Variants in SORCS2 observed in about 807,000 individuals in gnomAD.
SORCS2 encodes the protein sortilin related VPS10 domain containing receptor 2.
SORCS2 carries 100 observed loss-of-function variants against 141.6 expected under a neutral mutation model. That is an observed-to-expected ratio of 0.71 (90% CI 0.60 to 0.83). The LOEUF is 0.83. SORCS2 is among the 40% of genes least tolerant of loss of function. The probability of loss-of-function intolerance (pLI) is 0.00; values close to 1 mark genes in which losing one functional copy is unlikely to be tolerated. For synonymous variants in SORCS2, 789 were observed against 676.9 expected, an observed-to-expected ratio of 1.17 and a Z score of -2.57; for missense variants, 1,646 against 1,560.2, an observed-to-expected ratio of 1.05 and a Z score of -0.93.
Position 7,536,833 on chromosome 4 carries a change from G to GTGT in SORCS2, c.648+5204_648+5205insTGT, listed in dbSNP as rs199566651. On this transcript the variant is annotated intron_variant, in intron 3 of 26. Coordinates refer to ENST00000507866, the MANE Select transcript of SORCS2 (RefSeq NM_020777.3). The stretch of plus-strand genomic sequence containing the variant: ...AGCGGATGTCCCCATACTCAGATGT[G>GTGT]GGGGGGGGGGGCGGGCAGGGCCCAC... 5.9e-3 allele frequency among the ~76,000 whole-genome samples: 127 copies of GTGT among 21,580 alleles called. 2 individuals are homozygous for GTGT. Among genetic ancestry groups the GTGT allele is most frequent in the African/African-American group, 7.1e-3 (119 of 16,754 alleles). 14.2% of individuals were successfully genotyped at this position (21,580 alleles called of 152,430 possible).
chr4:7,224,794 C>A (rs1728904040), intron 1 of SORCS2, among the ~76,000 whole-genome samples: 1 of 152,198 alleles, frequency 6.6e-6, no homozygotes. Flanking sequence ...TCCCTCCGAT[C>A]CTTCCCCTTC....
intron 8 of SORCS2, among the ~76,000 whole-genome samples, chr4:7,672,322 T>C (rs1722848255): frequency 6.6e-6 from 1 of 152,190 alleles, no homozygotes; most frequent in African/African-American, 2.4e-5. Flanking sequence ...ATAATCAATA[T>C]GATCATCAAC....
intron 1 of SORCS2, among the ~76,000 whole-genome samples, chr4:7,294,651 C>G (rs567315145): frequency 6.9e-6 from 1 of 144,068 alleles, no homozygotes; most frequent in Non-Finnish European, 1.5e-5. Context: ...TTTCCTCCCC[C>G]TCTCCCTCTT....
chr4:7,393,976 G>T (rs1323679687), intron 1 of SORCS2, among the ~76,000 whole-genome samples: 1 of 152,114 alleles, frequency 6.6e-6, no homozygotes, highest in African/African-American at 2.4e-5. Flanking sequence ...GCCGAGTCAG[G>T]GCGTGGTGGG....
intron 1 of SORCS2, among the ~76,000 whole-genome samples, chr4:7,378,616 T>G (rs1417958145): frequency 6.6e-6 from 1 of 152,174 alleles, no homozygotes; most frequent in African/African-American, 2.4e-5. Flanking sequence ...GGTCCCGCCC[T>G]TGACACGTGG....
intron 1 of SORCS2, among the ~76,000 whole-genome samples, chr4:7,347,431 C>G (rs1720705881): frequency 1.3e-5 from 2 of 152,228 alleles, no homozygotes; most frequent in African/African-American, 4.8e-5. Context: ...GTGTGCCAGG[C>G]ATTCTGCTGG....
At chr4:7,457,411 G>A (rs558561487) in intron 2 of SORCS2, among the ~76,000 whole-genome samples, 4 of 152,216 alleles carry the variant, frequency 2.6e-5, no homozygotes, top group African/African-American at 7.2e-5. Context: ...AGTGAACATC[G>A]CAAGCTGGCA....
chr4:7,230,210 G>A (rs111379243), intron 1 of SORCS2, among the ~76,000 whole-genome samples: 5,050 of 130,414 alleles, frequency 0.039, 303 homozygotes, highest in East Asian at 0.23. Flanking sequence ...AGCAGTGTCT[G>A]GAGCAGTGTC....
At position 7,505,855 on chromosome 4, in the gene SORCS2, G is replaced by A. The variant is rs1158803165; in HGVS notation, c.549-25675G>A. 2.0e-5 allele frequency among the ~76,000 whole-genome samples: 3 copies of A among 152,326 alleles called. No homozygotes were observed. The South Asian group carries it at 6.2e-4, about 32-fold the overall frequency. On this transcript the variant is annotated intron_variant, in intron 2 of 26. Transcript: ENST00000507866. ...ATAATTGTCGCGGGGCCCTCATAGA[G>A]CTGGAGTGAAGATTCAGTGGCAGTC... is the stretch of plus-strand genomic sequence containing the variant.
At chr4:7,527,572 C>T (rs1010494486) in intron 2 of SORCS2, among the ~76,000 whole-genome samples, 6 of 152,176 alleles carry the variant, frequency 3.9e-5, no homozygotes, top group African/African-American at 1.4e-4. Flanking sequence ...CCTTGATTAG[C>T]CCTGTAAGAC....
Position 7,724,579 on chromosome 4 carries a change from ATGGTG to A in SORCS2, c.2612-574_2612-570del, listed in dbSNP as rs1560114157. Among the ~76,000 whole-genome samples, 15 of 37,640 alleles carry A rather than the reference ATGGTG, an allele frequency of 4.0e-4. No homozygotes were observed. The East Asian group carries it at 0.026, about 65-fold the overall frequency. The allele number at this position is 37,640 out of a possible 152,430, so 24.7% of individuals were successfully genotyped here. ...GGAATGGATGGTGGTGGTGATGGTG[ATGGTG>A]GTGGTGTTGGTGATGGTGGTGATAG... On this transcript the variant is annotated intron_variant, in intron 19 of 26. Coordinates refer to ENST00000507866, the MANE Select transcript of SORCS2 (RefSeq NM_020777.3).
intron 1 of SORCS2, among the ~76,000 whole-genome samples, chr4:7,276,113 C>A (rs1715483991): frequency 6.6e-6 from 1 of 152,170 alleles, no homozygotes; most frequent in Non-Finnish European, 1.5e-5. Flanking sequence ...GCCACTGTTG[C>A]AAGTTTCCTT....
intron 2 of SORCS2, among the ~76,000 whole-genome samples, chr4:7,495,298 C>T (rs554513388): frequency 1.2e-4 from 18 of 152,330 alleles, no homozygotes; most frequent in Admixed American, 8.5e-4. Flanking sequence ...AAGGAGGCTA[C>T]GGCAGAAAGC....
At chr4:7,345,455 G>A (rs949532262) in intron 1 of SORCS2, among the ~76,000 whole-genome samples, 9 of 152,144 alleles carry the variant, frequency 5.9e-5, no homozygotes, top group East Asian at 5.8e-4. Flanking sequence ...ACCTCAGTGA[G>A]GGGCAGTAAC....
intron 1 of SORCS2, among the ~76,000 whole-genome samples, chr4:7,370,300 G>A (rs540643798): frequency 6.6e-6 from 1 of 152,234 alleles, no homozygotes; most frequent in African/African-American, 2.4e-5. Flanking sequence ...CTTCTGTTTG[G>A]TTGTCTGAGC....
chr4:7,518,222 T>C (rs1733107715), intron 2 of SORCS2, among the ~76,000 whole-genome samples: 1 of 152,328 alleles, frequency 6.6e-6, no homozygotes, highest in South Asian at 2.1e-4. Context: ...AGGAAGGGCA[T>C]TTATTGATCG....
intron 1 of SORCS2, among the ~76,000 whole-genome samples, chr4:7,226,527 T>C (rs1729002680): frequency 6.6e-6 from 1 of 152,020 alleles, no homozygotes; most frequent in South Asian, 2.1e-4. Flanking sequence ...AGGGGACTCA[T>C]CCGGAACAGG....
rs1016986520 is a variant in SORCS2, at chr4:7,298,703, C to G, written c.481-97585C>G. ...AGGAGGAGGAAGCCAGCACTCCCGC[C>G]GTAGTATAGGGAGCGGGGCTCATGT... On this transcript the variant is annotated intron_variant, in intron 1 of 26. Coordinates refer to ENST00000507866, the MANE Select transcript of SORCS2 (RefSeq NM_020777.3). Among the ~76,000 whole-genome samples the G allele has an allele frequency of 2.0e-5, 3 of 152,186 alleles. No homozygotes were observed. The East Asian group carries it at 5.8e-4, about 29-fold the overall frequency.
chr4:7,574,319 A>G (rs1283075675), intron 3 of SORCS2, among the ~76,000 whole-genome samples: 1 of 152,228 alleles, frequency 6.6e-6, no homozygotes, highest in East Asian at 1.9e-4. Context: ...GATGGACTGC[A>G]GTGAAGAGAG....
Sources: gnomAD v4.1 joint callset for allele counts (sites outside exome capture counted in the v4.1 genomes callset) on GRCh38, gnomAD v4.1.1 for gene constraint, MANE v1.5 for transcripts, NCBI Gene and HGNC (gene_info 2026-07-23, HGNC 2026-07-21) for gene names.